ADARB2: variants seen among roughly 807,000 people sequenced by gnomAD.
ADARB2 encodes the protein adenosine deaminase RNA specific B2 (inactive), also known as inactive double-stranded RNA-specific editase B2.
In ADARB2, 25 loss-of-function variants were observed where a neutral mutation model predicts 62.2. That is an observed-to-expected ratio of 0.40 (90% CI 0.29 to 0.56). The LOEUF (loss-of-function observed/expected upper bound fraction) is 0.56. Among genes scored for constraint, ADARB2 ranks in the 20% least tolerant of loss-of-function variants. The pLI, the probability that ADARB2 is intolerant of heterozygous loss-of-function variation, is 0.43. For synonymous variants in ADARB2, 572 were observed against 500.8 expected (o/e 1.14, Z -1.90); for missense variants, 1,071 against 1,077.4 (o/e 0.99, Z 0.08).
chr10:1,587,542 AT>A (rs35071728), intron 1 of ADARB2, among the ~76,000 whole-genome samples: 19,394 of 150,952 alleles, frequency 0.13, 1,337 homozygotes, highest in Admixed American at 0.16. Flanking sequence ...TGTTGTTTTG[AT>A]TTTTTTTTTC....
intron 1 of ADARB2, among the ~76,000 whole-genome samples, chr10:1,442,634 G>A (rs375378984): frequency 5.3e-5 from 8 of 152,166 alleles, no homozygotes; most frequent in South Asian, 4.1e-4. Flanking sequence ...ACCAGCAGTC[G>A]TACTCTTGAG....
At chr10:1,192,290 A>C (rs889818387) in intron 8 of ADARB2, among the ~76,000 whole-genome samples, 3 of 152,222 alleles carry the variant, frequency 2.0e-5, no homozygotes, top group African/African-American at 7.2e-5. Flanking sequence ...ATAGCATGGC[A>C]TCTGGGCCTG....
chr10:1,228,253 A>G (rs115068476), intron 6 of ADARB2, among the ~76,000 whole-genome samples: 2,763 of 152,310 alleles, frequency 0.018, 36 homozygotes, highest in Middle Eastern at 0.048. Context: ...TTAAGCTGCT[A>G]AGTTCTCAGA....
At chr10:1,549,669 C>T (rs765823362) in intron 1 of ADARB2, among the ~76,000 whole-genome samples, 10 of 152,166 alleles carry the variant, frequency 6.6e-5, no homozygotes, top group Non-Finnish European at 1.0e-4. Flanking sequence ...CACTCTTCCT[C>T]CTCATTGTCA....
chr10:1,192,138 G>T (rs544171499), intron 8 of ADARB2, among the ~76,000 whole-genome samples: 1 of 152,302 alleles, frequency 6.6e-6, no homozygotes, highest in Admixed American at 6.5e-5. Context: ...TTTCTTCAAA[G>T]TGAGCCTACT....
chr10:1,514,091 C>T (rs1459373669), intron 1 of ADARB2, among the ~76,000 whole-genome samples: 4 of 148,068 alleles, frequency 2.7e-5, no homozygotes, highest in Admixed American at 6.9e-5. Context: ...CCAGGCAAAT[C>T]GCTTGAGCCT....
At chr10:1,481,084 C>T (rs542829712) in intron 1 of ADARB2, among the ~76,000 whole-genome samples, 1 of 152,288 alleles carries the variant, frequency 6.6e-6, no homozygotes, top group South Asian at 2.1e-4. Flanking sequence ...TACAAAGCTA[C>T]AAATCAAAAC....
intron 6 of ADARB2, among the ~76,000 whole-genome samples, chr10:1,220,406 GTGA>G (rs1408470383): frequency 1.3e-5 from 2 of 150,398 alleles, no homozygotes; most frequent in African/African-American, 4.9e-5. Flanking sequence ...GATTGTGGTG[GTGA>G]TGATGGTCGT....
chr10:1,257,503 G>T (rs748794638), intron 4 of ADARB2, among the ~76,000 whole-genome samples: 5 of 152,128 alleles, frequency 3.3e-5, no homozygotes, highest in Non-Finnish European at 7.3e-5. Flanking sequence ...CTCTAACCTG[G>T]GAGCCTGCCT....
intron 1 of ADARB2, chr10:1,556,956 G>A (rs1474612297): frequency 2.4e-6 from 1 of 408,994 alleles, no homozygotes; most frequent in Admixed American, 2.9e-5. Flanking sequence ...TAATAACTTG[G>A]TCTTTAATCC....
At chr10:1,673,456 G>A (rs1327857528) in intron 1 of ADARB2, among the ~76,000 whole-genome samples, 1 of 151,796 alleles carries the variant, frequency 6.6e-6, no homozygotes, top group Non-Finnish European at 1.5e-5. Flanking sequence ...TATTGATGAA[G>A]CCCTGTCGTT....
At chr10:1,452,659 G>A (rs1429862824) in intron 1 of ADARB2, among the ~76,000 whole-genome samples, 3 of 151,236 alleles carry the variant, frequency 2.0e-5, no homozygotes, top group African/African-American at 4.9e-5. Flanking sequence ...TGGGGGGTTG[G>A]GGGATAGGGG....
chr10:1,429,377 A>G (rs531845109), intron 1 of ADARB2, among the ~76,000 whole-genome samples: 1 of 152,324 alleles, frequency 6.6e-6, no homozygotes, highest in East Asian at 1.9e-4. Context: ...AACGCTCATC[A>G]CTCAAAAGTG....
At position 1,233,838 on chromosome 10, in the gene ADARB2, G is replaced by T. The variant is rs199735124; in HGVS notation, c.1369C>A (p.Arg457Ser). The part of the protein sequence containing the change: ...TQLELHLSKR[R>S]EDSERSIFVR... ...AATATCGATCGCTCTGAGTCCTCGC[G>T]CCGCTTGCTAGGGTCACAAAGAGGT... is the stretch of plus-strand genomic sequence containing the variant. Residue 457 changes from arginine (R) to serine (S), a missense_variant, in exon 6 of 10, where the codon CGC (arginine) becomes AGC (serine). Arg to Ser is a moderately radical substitution (Grantham distance 110, BLOSUM62 -1). Coordinates refer to ENST00000381312, the MANE Select transcript of ADARB2 (RefSeq NM_018702.4). 8.6e-5 allele frequency: 138 copies of T among 1,613,410 alleles called. 1 individual carries two copies. The Middle Eastern group carries it at 1.2e-3, about 14-fold the overall frequency.
intron 4 of ADARB2, among the ~76,000 whole-genome samples, chr10:1,267,000 TA>T (rs1831210921): frequency 6.6e-6 from 1 of 151,946 alleles, no homozygotes; most frequent in South Asian, 2.1e-4. Flanking sequence ...AGAAAATTAA[TA>T]GAGTGTTGCA....
chr10:1,599,989 A>G (rs966139230), intron 1 of ADARB2, among the ~76,000 whole-genome samples: 11 of 152,108 alleles, frequency 7.2e-5, no homozygotes, highest in African/African-American at 2.2e-4. Flanking sequence ...CAGAGATCTG[A>G]GCACCTAGGC....
At chr10:1,355,018 C>T (rs1266325059) in intron 3 of ADARB2, among the ~76,000 whole-genome samples, 1 of 152,176 alleles carries the variant, frequency 6.6e-6, no homozygotes, top group Non-Finnish European at 1.5e-5. Context: ...GCTTGCACCT[C>T]CCTGAGGGCT....
intron 1 of ADARB2, among the ~76,000 whole-genome samples, chr10:1,652,763 T>C (rs559341431): frequency 1.3e-5 from 2 of 152,242 alleles, no homozygotes; most frequent in East Asian, 3.9e-4. Context: ...TTTAATGCAG[T>C]TAGATGGTGC....
intron 3 of ADARB2, among the ~76,000 whole-genome samples, chr10:1,325,219 C>T (rs1831833745): frequency 6.6e-6 from 1 of 152,182 alleles, no homozygotes; most frequent in South Asian, 2.1e-4. Context: ...ACACAGAGTC[C>T]TCTACCGGGG....
Sources: allele counts gnomAD v4.1 joint callset (sites outside exome capture counted in the v4.1 genomes callset), GRCh38; gene constraint gnomAD v4.1.1; transcripts MANE v1.5; gene names NCBI Gene and HGNC (gene_info 2026-07-23, HGNC 2026-07-21).